The following PDGFD variants were observed in gnomAD, a reference collection of about 807,000 sequenced individuals.
PDGFD encodes platelet derived growth factor D, also known as platelet-derived growth factor D.
PDGFD carries 30 observed loss-of-function variants against 44.7 expected under a neutral mutation model. The ratio of observed to expected loss-of-function variants is 0.67; its 90% CI spans 0.50 to 0.91. The LOEUF is 0.91. PDGFD is among the 40% of genes least tolerant of loss of function. The pLI is 0.00. For synonymous variants in PDGFD, 173 were observed against 168.4 expected, an observed-to-expected ratio of 1.03 and a Z score of -0.21; for missense variants, 445 against 457.8, an observed-to-expected ratio of 0.97 and a Z score of 0.25.
chr11:104,101,595 C>A (rs1014349189), intron 1 of PDGFD, among the ~76,000 whole-genome samples: 2 of 152,152 alleles, frequency 1.3e-5, no homozygotes, highest in Admixed American at 1.3e-4. Flanking sequence ...TCATATGGAA[C>A]CAAAAAAGAG....
intron 6 of PDGFD, among the ~76,000 whole-genome samples, chr11:103,914,379 C>A (rs923745863): frequency 6.6e-6 from 1 of 152,116 alleles, no homozygotes; most frequent in Non-Finnish European, 1.5e-5. Flanking sequence ...AACACATACA[C>A]CCTCTCAAGA....
At chr11:104,015,707 G>A (rs2134378042) in intron 1 of PDGFD, among the ~76,000 whole-genome samples, 1 of 152,280 alleles carries the variant, frequency 6.6e-6, no homozygotes, top group South Asian at 2.1e-4. Flanking sequence ...AAGCACTAGA[G>A]TATTAGTATG....
intron 4 of PDGFD, among the ~76,000 whole-genome samples, chr11:103,944,678 CCAGA>C (rs1799582614): frequency 6.6e-6 from 1 of 152,090 alleles, no homozygotes; most frequent in Non-Finnish European, 1.5e-5. Context: ...CTATTGAGTC[CCAGA>C]CAGCCAAGCC....
intron 1 of PDGFD, chr11:104,039,111 G>T (rs994218697): frequency 6.0e-6 from 1 of 167,004 alleles, no homozygotes; most frequent in East Asian, 1.9e-4. Context: ...AAAAGTTTCA[G>T]CTTCCTGAGG....
At chr11:103,922,450 G>T (rs1387595840) in intron 6 of PDGFD, among the ~76,000 whole-genome samples, 3 of 152,000 alleles carry the variant, frequency 2.0e-5, no homozygotes, top group South Asian at 4.2e-4. Context: ...CATCCTGAAG[G>T]AAGTCATAAA....
chr11:103,958,563 T>C (rs573978698), intron 3 of PDGFD, among the ~76,000 whole-genome samples: 1 of 152,182 alleles, frequency 6.6e-6, no homozygotes, highest in Non-Finnish European at 1.5e-5. Flanking sequence ...ACTGACCTGA[T>C]TCATATTTTC....
At chr11:104,087,789 A>G (rs1861154708) in intron 1 of PDGFD, among the ~76,000 whole-genome samples, 1 of 152,190 alleles carries the variant, frequency 6.6e-6, no homozygotes. Flanking sequence ...GCTGTGCCGC[A>G]AGCAGATAAG....
At chr11:104,018,216 A>G (rs939152428) in intron 1 of PDGFD, among the ~76,000 whole-genome samples, 2 of 151,912 alleles carry the variant, frequency 1.3e-5, no homozygotes, top group African/African-American at 4.8e-5. Flanking sequence ...TCAGTGTTGT[A>G]TCTGAATCTA....
intron 1 of PDGFD, among the ~76,000 whole-genome samples, chr11:104,127,041 C>T (rs1381445550): frequency 1.3e-5 from 2 of 151,998 alleles, no homozygotes; most frequent in Non-Finnish European, 1.5e-5. Flanking sequence ...GCACGAATCC[C>T]GTGCCCATAC....
chr11:104,025,633 C>T (rs1031304059), intron 1 of PDGFD, among the ~76,000 whole-genome samples: 2 of 152,152 alleles, frequency 1.3e-5, no homozygotes, highest in African/African-American at 4.8e-5. Context: ...AAAGCCTCAG[C>T]ATTTCCTCAC....
At chr11:104,037,655 T>C (rs1220739537) in intron 1 of PDGFD, 1 of 1,614,064 alleles carries the variant, frequency 6.2e-7, no homozygotes, top group South Asian at 1.1e-5. Context: ...CGATGTAACA[T>C]CATGAGGCTG....
chr11:103,956,566 G>A (rs1858853725), intron 3 of PDGFD, among the ~76,000 whole-genome samples: 1 of 150,878 alleles, frequency 6.6e-6, no homozygotes, highest in Non-Finnish European at 1.5e-5. Flanking sequence ...TAGTCCTTTG[G>A]GTATATATCC....
intron 2 of PDGFD, among the ~76,000 whole-genome samples, chr11:103,997,796 C>A (rs1437638952): frequency 5.3e-5 from 8 of 152,250 alleles, no homozygotes; most frequent in Admixed American, 5.2e-4. Flanking sequence ...TTAAAGAACA[C>A]ATCATTGTAA....
chr11:104,132,818 C>G (rs942144839), intron 1 of PDGFD, among the ~76,000 whole-genome samples: 3 of 151,992 alleles, frequency 2.0e-5, no homozygotes, highest in Admixed American at 2.0e-4. Context: ...AATACTAAAC[C>G]CACCTTTTCA....
intron 1 of PDGFD, chr11:104,037,468 G>C: frequency 6.2e-7 from 1 of 1,614,128 alleles, no homozygotes; most frequent in African/African-American, 1.3e-5. Flanking sequence ...CAAAATAGAA[G>C]AGGAAATCCG....
At chr11:104,011,560 A>G (rs1237447948) in intron 1 of PDGFD, among the ~76,000 whole-genome samples, 1 of 152,094 alleles carries the variant, frequency 6.6e-6, no homozygotes, top group Non-Finnish European at 1.5e-5. Context: ...AGCTGTCAGG[A>G]AGAGGAGCAA....
At chr11:103,928,329 T>G (rs1858348969) in intron 5 of PDGFD, among the ~76,000 whole-genome samples, 1 of 152,222 alleles carries the variant, frequency 6.6e-6, no homozygotes, top group Non-Finnish European at 1.5e-5. Context: ...TGCACGCCCT[T>G]GTGTGCACCA....
intron 1 of PDGFD, among the ~76,000 whole-genome samples, chr11:104,059,708 C>T (rs1283474053): frequency 1.8e-4 from 27 of 152,158 alleles, no homozygotes; most frequent in Admixed American, 1.7e-3. Flanking sequence ...CAGCCTTCCT[C>T]CCTGAAGACT....
chr11:104,094,058 A>G (rs918809291), intron 1 of PDGFD, among the ~76,000 whole-genome samples: 6 of 151,084 alleles, frequency 4.0e-5, no homozygotes, highest in African/African-American at 1.5e-4. Flanking sequence ...CACTCCACCA[A>G]CTTCTCTTAT....
Sources: allele counts gnomAD v4.1 joint callset (sites outside exome capture counted in the v4.1 genomes callset), GRCh38; gene constraint gnomAD v4.1.1; transcripts MANE v1.5; gene names NCBI Gene and HGNC (gene_info 2026-07-23, HGNC 2026-07-21).